The following ARID1B variants were observed in gnomAD, a reference collection of about 807,000 sequenced individuals.
The protein encoded by ARID1B is AT-rich interactive domain-containing protein 1B.
In ARID1B, 30 loss-of-function variants were observed where a neutral mutation model predicts 212.3. That is an observed-to-expected ratio of 0.14 (90% CI 0.11 to 0.19). The LOEUF is 0.19. Ranked by LOEUF, ARID1B falls within the 10% of genes least tolerant of loss-of-function variation. The probability of loss-of-function intolerance (pLI) is 1.00; values close to 1 mark genes in which losing one functional copy is unlikely to be tolerated. For synonymous variants in ARID1B, 1,402 were observed against 1,301.7 expected (o/e 1.08, Z -1.66); for missense variants, 2,891 against 3,204.0 (o/e 0.90, Z 2.36).
chr6:157,165,873 T>G (rs1791289875), intron 8 of ARID1B: 1 of 152,028 alleles, frequency 6.6e-6, no homozygotes, highest in Non-Finnish European at 1.5e-5. Flanking sequence ...AATAAAAAAA[T>G]AAGATTTATG....
At chr6:157,059,030 A>G (rs1583231414) in intron 4 of ARID1B, among the ~76,000 whole-genome samples, 1 of 151,944 alleles carries the variant, frequency 6.6e-6, no homozygotes, top group South Asian at 2.1e-4. Context: ...GAGATGAGTT[A>G]TAGCCAAAGG....
At chr6:156,856,191 G>A (rs915839836) in intron 2 of ARID1B, among the ~76,000 whole-genome samples, 1 of 152,138 alleles carries the variant, frequency 6.6e-6, no homozygotes, top group South Asian at 2.1e-4. Flanking sequence ...TAACTGGAGC[G>A]AACTTACTGC....
At chr6:156,899,050 A>G (rs996580205) in intron 2 of ARID1B, among the ~76,000 whole-genome samples, 4 of 152,180 alleles carry the variant, frequency 2.6e-5, no homozygotes, top group Non-Finnish European at 5.9e-5. Flanking sequence ...TAAAGGTAAC[A>G]TTTAGGAAAT....
Position 157,133,055 on chromosome 6 carries a change from C to T in ARID1B, c.2609C>T (p.Pro870Leu), listed in dbSNP as rs201156721. The T allele has an allele frequency of 4.6e-5, 74 of 1,605,908 alleles. No individual in the cohort carries two copies. The highest frequency in any genetic ancestry group is 5.8e-5 in the Non-Finnish European group (68 of 1,177,888). Reference sequence around the variant, plus strand: ...TTTATGGCAGGCACACAAAGAAACCCTCAGATGGCTCAGTATGGACCTCAA... The same window carrying T: ...TTTATGGCAGGCACACAAAGAAACCTTCAGATGGCTCAGTATGGACCTCAA... ...RGFMAGTQRN[P>L]QMAQYGPQQT... Residue 870 changes from proline to leucine, a missense_variant, in exon 7 of 20, where the codon CCT (proline) becomes CTT (leucine). Transcript: ENST00000636930.
intron 2 of ARID1B, among the ~76,000 whole-genome samples, chr6:156,887,243 G>A (rs1411549495): frequency 6.6e-6 from 1 of 152,142 alleles, no homozygotes; most frequent in Non-Finnish European, 1.5e-5. Flanking sequence ...AGCAGTGGGT[G>A]CCAGTAACGT....
intron 7 of ARID1B, among the ~76,000 whole-genome samples, chr6:157,146,934 T>G (rs1003311667): frequency 6.6e-6 from 1 of 152,160 alleles, no homozygotes; most frequent in Admixed American, 6.5e-5. Flanking sequence ...CGAGCCAGTT[T>G]GCTTGAGCTT....
intron 4 of ARID1B, among the ~76,000 whole-genome samples, chr6:157,039,318 A>ATTTTTTTTTTTTTTTTTT (rs1215591720): frequency 5.3e-5 from 6 of 112,808 alleles, no homozygotes; most frequent in East Asian, 2.3e-4. Flanking sequence ...GAAATTTGAC[A>ATTTTTTTTTTTTTTTTTT]TTTCTTTTTT....
At chr6:156,839,823 A>G (rs1189472881) in intron 2 of ARID1B, among the ~76,000 whole-genome samples, 1 of 152,188 alleles carries the variant, frequency 6.6e-6, no homozygotes, top group Non-Finnish European at 1.5e-5. Context: ...TGACCAGGAA[A>G]TCACCACTGC....
At chr6:156,880,328 A>G (rs919139823) in intron 2 of ARID1B, among the ~76,000 whole-genome samples, 1 of 152,256 alleles carries the variant, frequency 6.6e-6, no homozygotes, top group Non-Finnish European at 1.5e-5. Flanking sequence ...AAAGCTTACT[A>G]CAAGGCATTT....
At chr6:157,004,728 C>T (rs74992584) in intron 4 of ARID1B, among the ~76,000 whole-genome samples, 2,997 of 152,000 alleles carry the variant, frequency 0.02, 83 homozygotes, top group African/African-American at 0.065. Flanking sequence ...ATTTTATTGC[C>T]GGTGTTAGGG....
rs1257441542 is a variant in ARID1B at position 157,210,070 on chromosome 6, C to A, written c.*2179C>A. On this transcript the variant is annotated 3_prime_UTR_variant, in exon 20 of 20. Coordinates refer to ENST00000636930, the MANE Select transcript of ARID1B (RefSeq NM_001374828.1). ...ACATGCAGTTACAGTCATTGTGAGA[C>A]GTGACTCTCCAGTGTCACGAGGAAA... 1 of 232,800 alleles carries A rather than the reference C, an allele frequency of 4.3e-6. No homozygotes were observed. Among genetic ancestry groups the A allele is most frequent in the African/African-American group, 2.2e-5 (1 of 45,304 alleles). 14.4% of individuals were successfully genotyped at this position (232,800 alleles called of 1,614,324 possible).
At chr6:156,976,245 G>T in intron 4 of ARID1B, 1 of 155,960 alleles carries the variant, frequency 6.4e-6, no homozygotes, top group South Asian at 1.8e-4. Flanking sequence ...CAGGGGATAT[G>T]ACGGCTTAAC....
chr6:156,777,886 A>G lies in ARID1B; in HGVS notation c.206A>G (p.Asn69Ser). The G allele has an allele frequency of 6.8e-7, 1 of 1,462,952 alleles. No individual in the cohort carries two copies. The highest frequency in any genetic ancestry group is 8.9e-7 in the Non-Finnish European group (1 of 1,117,650). The allele number at this position is 1,462,952 out of a possible 1,614,324, so 90.6% of individuals were successfully genotyped here. A position where few individuals can be genotyped will look rare whatever the true frequency, so the allele number is the denominator to read the frequency against. ...GGGGDGGGGL[N>S]SVHHHPLLPR... Reference sequence around the variant, plus strand: ...GGCGGCGACGGCGGCGGCGGCCTGAACAGTGTGCACCACCACCCCCTGCTC... The same window carrying G: ...GGCGGCGACGGCGGCGGCGGCCTGAGCAGTGTGCACCACCACCCCCTGCTC... Residue 69 changes from asparagine (N) to serine (S), a missense_variant, in exon 1 of 20, where the codon AAC (asparagine) becomes AGC (serine). Physicochemically the swap from Asn to Ser is conservative, Grantham distance 46. Coordinates refer to ENST00000636930, the MANE Select transcript of ARID1B (RefSeq NM_001374828.1).
intron 4 of ARID1B, among the ~76,000 whole-genome samples, chr6:156,948,307 G>A (rs1207813884): frequency 2.0e-5 from 3 of 152,126 alleles, no homozygotes; most frequent in East Asian, 1.9e-4. Context: ...AGCCTTGAAC[G>A]CCTAGACTCA....
intron 1 of ARID1B, among the ~76,000 whole-genome samples, chr6:156,806,586 G>A (rs1043292940): frequency 1.3e-5 from 2 of 152,116 alleles, no homozygotes; most frequent in Non-Finnish European, 2.9e-5. Flanking sequence ...GTAATCTTGC[G>A]AGGTTTGGTT....
chr6:157,021,149 C>T (rs545071475), intron 4 of ARID1B, among the ~76,000 whole-genome samples: 109 of 152,182 alleles, frequency 7.2e-4, no homozygotes, highest in African/African-American at 2.5e-3. Flanking sequence ...GTGTGAAGGA[C>T]GCAGGACCGC....
intron 2 of ARID1B, among the ~76,000 whole-genome samples, chr6:156,872,658 T>G (rs954091623): frequency 2.0e-5 from 3 of 152,180 alleles, no homozygotes; most frequent in Non-Finnish European, 2.9e-5. Flanking sequence ...TTTGGTTTAT[T>G]GGCTTGCTAA....
At position 156,778,850 on chromosome 6, in the gene ARID1B, C is replaced by T. The variant is rs751102826; in HGVS notation, c.1170C>T (p.Gly390=). The T allele has an allele frequency of 1.5e-5, 20 of 1,333,216 alleles. No homozygotes were observed. The highest frequency in any genetic ancestry group is 1.8e-5 in the Non-Finnish European group (19 of 1,035,740). The allele number at this position is 1,333,216 out of a possible 1,614,324, so 82.6% of individuals were successfully genotyped here. A position where few individuals can be genotyped will look rare whatever the true frequency, so the allele number is the denominator to read the frequency against. Residue 390 remains glycine, a synonymous_variant, in exon 1 of 20, where the codon GGC becomes GGT. Transcript: ENST00000636930. Reference sequence around the variant, plus strand: ...CGGGCTACAGCCGGCCCGGCGCGGGCGGCGGCGGCGGCGGCGGCGGCGGAG... The same window carrying T: ...CGGGCTACAGCCGGCCCGGCGCGGGTGGCGGCGGCGGCGGCGGCGGCGGAG... ...HYPGYSRPGA[G]GGGGGGGGGG...
Position 157,203,877 on chromosome 6 carries a change from G to T in ARID1B, c.5275G>T (p.Ala1759Ser), listed in dbSNP as rs967307450. 1.9e-6 allele frequency: 3 copies of T among 1,614,124 alleles called. No individual in the cohort carries two copies. The highest frequency in any genetic ancestry group is 2.5e-6 in the Non-Finnish European group (3 of 1,180,008). The part of the protein sequence containing the change: ...ITSKDIVTPE[A>S]WRVMMSLKSG... ...TTCCCCATCTTCAGTTACTCCTGAG[G>T]CGTGGCGTGTGATGATGTCCCTTAA... is the stretch of plus-strand genomic sequence containing the variant. Residue 1759 changes from alanine (A) to serine (S), a missense_variant, in exon 19 of 20, where the codon GCG becomes TCG. Physicochemically the swap from Ala to Ser is moderately conservative, Grantham distance 99. Coordinates refer to ENST00000636930, the MANE Select transcript of ARID1B (RefSeq NM_001374828.1). The surrounding 1 kb of genome is among the most constrained non-coding windows in gnomAD (Gnocchi z 4.4).
Sources: gnomAD v4.1 joint callset for allele counts (sites outside exome capture counted in the v4.1 genomes callset) on GRCh38, gnomAD v4.1.1 for gene constraint, Gnocchi (gnomAD v3.1) non-coding constraint, MANE v1.5 for transcripts, NCBI Gene and HGNC (gene_info 2026-07-23, HGNC 2026-07-21) for gene names.